BPGM: variants seen among roughly 807,000 people sequenced by gnomAD.
BPGM encodes the protein bisphosphoglycerate mutase, also known as 2,3-bisphosphoglycerate mutase, erythrocyte.
BPGM carries 15 observed loss-of-function variants against 21.6 expected under a neutral mutation model. That is an observed-to-expected ratio of 0.70 (90% CI 0.47 to 1.07). The LOEUF is 1.07. Among genes scored for constraint, BPGM ranks in the 50% least tolerant of loss-of-function variants. The pLI is 0.00. For missense variants in BPGM, 273 were observed against 319.0 expected, an observed-to-expected ratio of 0.86 and a Z score of 1.10; for synonymous variants, 113 against 116.2, an observed-to-expected ratio of 0.97 and a Z score of 0.18.
At chr7:134,675,881 T>TTGA (rs780906656) in intron 2 of BPGM, among the ~76,000 whole-genome samples, 49 of 152,336 alleles carry the variant, frequency 3.2e-4, no homozygotes, top group Non-Finnish European at 6.6e-4. Flanking sequence ...TTTCTTTCAT[T>TTGA]TGAACACTGT....
At chr7:134,666,423 C>T (rs1210964198) in intron 2 of BPGM, among the ~76,000 whole-genome samples, 1 of 151,896 alleles carries the variant, frequency 6.6e-6, no homozygotes, top group African/African-American at 2.4e-5. Context: ...GGTTGATGAC[C>T]AAGGAGGATG....
intron 2 of BPGM, among the ~76,000 whole-genome samples, chr7:134,676,483 A>G (rs1217035288): frequency 6.6e-6 from 1 of 152,226 alleles, no homozygotes; most frequent in African/African-American, 2.4e-5. Flanking sequence ...AGTGAGCAAT[A>G]TGCTTACAGA....
intron 1 of BPGM, among the ~76,000 whole-genome samples, chr7:134,648,739 G>T (rs1288990100): frequency 1.3e-5 from 2 of 152,102 alleles, no homozygotes; most frequent in Admixed American, 1.3e-4. Flanking sequence ...GAGGGCAGTG[G>T]CGCAATCTCT....
At chr7:134,674,233 T>C (rs1349180327) in intron 2 of BPGM, among the ~76,000 whole-genome samples, 1 of 152,192 alleles carries the variant, frequency 6.6e-6, no homozygotes, top group Non-Finnish European at 1.5e-5. Context: ...TTTTTTAACA[T>C]CTTTATTGCG....
intron 2 of BPGM, among the ~76,000 whole-genome samples, chr7:134,673,486 G>A (rs1479969619): frequency 6.6e-6 from 1 of 152,312 alleles, no homozygotes; most frequent in African/African-American, 2.4e-5. Flanking sequence ...GGACCTGTTG[G>A]ATCCGGTTAG....
chr7:134,659,222 A>G (rs1795689980), intron 1 of BPGM, among the ~76,000 whole-genome samples: 1 of 152,132 alleles, frequency 6.6e-6, no homozygotes, highest in South Asian at 2.1e-4. Context: ...TCCACTACCA[A>G]TAACAAAACA....
intron 2 of BPGM, among the ~76,000 whole-genome samples, chr7:134,665,865 ATTTTCTTTTC>A (rs144380412): frequency 1.3e-4 from 19 of 150,428 alleles, no homozygotes; most frequent in South Asian, 2.1e-4. Context: ...GATTAATGAC[ATTTTCTTTTC>A]TTTTCTTTTC....
At chr7:134,670,606 T>C (rs1232123964) in intron 2 of BPGM, among the ~76,000 whole-genome samples, 1 of 140,812 alleles carries the variant, frequency 7.1e-6, no homozygotes, top group Admixed American at 7.1e-5. Flanking sequence ...AGTATTCAGA[T>C]CTTAAAGAAT....
intron 1 of BPGM, among the ~76,000 whole-genome samples, chr7:134,648,136 T>TA (rs1795493667): frequency 6.7e-6 from 1 of 149,650 alleles, no homozygotes; most frequent in African/African-American, 2.5e-5. Flanking sequence ...GTTTTGGTTT[T>TA]TTTTTTGTTT....
In BPGM at chr7:134,661,388, T is replaced by C. The variant is rs1434892890; in HGVS notation, c.-61-59T>C. 2.1e-6 allele frequency: 3 copies of C among 1,456,932 alleles called. No homozygotes were observed. Among genetic ancestry groups the C allele is most frequent in the Non-Finnish European group, 9.5e-7 (1 of 1,051,666 alleles). 90.3% of individuals were successfully genotyped at this position (1,456,932 alleles called of 1,614,324 possible). A position where few individuals can be genotyped will look rare whatever the true frequency, so the allele number is the denominator to read the frequency against. The stretch of plus-strand genomic sequence containing the variant: ...AGAAATTGGGTGTTGTAAAGCGATG[T>C]TTCTATTCCTAGATTGTCAGTTGAA... On this transcript the variant is annotated intron_variant, in intron 1 of 2. Coordinates refer to ENST00000344924, the MANE Select transcript of BPGM (RefSeq NM_001724.5). The surrounding 1 kb of genome is among the most constrained non-coding windows in gnomAD (Gnocchi z 4.6).
chr7:134,663,170 G>T (rs78352938), intron 2 of BPGM, among the ~76,000 whole-genome samples: 474 of 152,332 alleles, frequency 3.1e-3, no homozygotes, highest in African/African-American at 0.011. Context: ...GGCTGACCTT[G>T]TATGTGAAAT....
rs1795978709 is a variant in BPGM at position 134,675,974 on chromosome 7, T to C, written c.602-2879T>C. Among the ~76,000 whole-genome samples the C allele has an allele frequency of 2.0e-5, 3 of 152,246 alleles. No homozygotes were observed. The South Asian group carries it at 6.2e-4, about 31-fold the overall frequency. On this transcript the variant is annotated intron_variant, in intron 2 of 2. Transcript: ENST00000344924. ...TTATTCTTTTTGATGTTATTATAAA[T>C]AGAATTGTTTGCTTAATCTTTCATG...
chr7:134,648,132 G>T (rs6467544), intron 1 of BPGM, among the ~76,000 whole-genome samples: 84,686 of 143,840 alleles, frequency 0.59, 25,612 homozygotes, highest in East Asian at 0.87. Flanking sequence ...TTTTGTTTTG[G>T]TTTTTTTTTT....
Position 134,646,867 on chromosome 7 carries a change from G to T in BPGM, c.-132G>T. 5.4e-6 allele frequency: 1 copy of T among 184,896 alleles called. No homozygotes were observed. Among genetic ancestry groups the T allele is most frequent in the Non-Finnish European group, 1.2e-5 (1 of 85,830 alleles). The allele number at this position is 184,896 out of a possible 1,614,324, so 11.5% of individuals were successfully genotyped here. On this transcript the variant is annotated 5_prime_UTR_variant, in exon 1 of 3. The change creates a new upstream start codon in the 5' untranslated region. Transcript: ENST00000344924. ...CCGGCGGCAGTGATGAGTCCTAGGAGGCGCTGGCTCTTTGGCGGCTCGGAG... is the reference window on the plus strand; with the variant it reads ...CCGGCGGCAGTGATGAGTCCTAGGATGCGCTGGCTCTTTGGCGGCTCGGAG...
chr7:134,669,400 T>A (rs1160298932), intron 2 of BPGM, among the ~76,000 whole-genome samples: 1 of 152,322 alleles, frequency 6.6e-6, no homozygotes, highest in Admixed American at 6.5e-5. Context: ...TTTATTTTTT[T>A]ATTTTTTTAT....
intron 2 of BPGM, among the ~76,000 whole-genome samples, chr7:134,674,186 T>C (rs1424071106): frequency 6.6e-6 from 1 of 152,192 alleles, no homozygotes; most frequent in Non-Finnish European, 1.5e-5. Context: ...GTGCTGAGAT[T>C]AGAGGCATGA....
At chr7:134,659,629 A>T (rs1007170337) in intron 1 of BPGM, among the ~76,000 whole-genome samples, 1 of 152,142 alleles carries the variant, frequency 6.6e-6, no homozygotes, top group Non-Finnish European at 1.5e-5. Flanking sequence ...GGATGCTTTA[A>T]TCTGGGTCCT....
At chr7:134,660,222 A>C (rs756518540) in intron 1 of BPGM, among the ~76,000 whole-genome samples, 48 of 152,252 alleles carry the variant, frequency 3.2e-4, no homozygotes, top group Non-Finnish European at 6.3e-4. Flanking sequence ...CAATTTTGCC[A>C]TTGATTGTTA....
At chr7:134,665,614 T>TA (rs1298310084) in intron 2 of BPGM, among the ~76,000 whole-genome samples, 2 of 10,014 alleles carry the variant, frequency 2.0e-4, no homozygotes, top group Non-Finnish European at 1.5e-4. Flanking sequence ...TAGAGTATAA[T>TA]AAAAAAAATA....
Sources: allele counts gnomAD v4.1 joint callset (sites outside exome capture counted in the v4.1 genomes callset), GRCh38; gene constraint gnomAD v4.1.1; non-coding constraint Gnocchi (gnomAD v3.1); transcripts MANE v1.5; gene names NCBI Gene and HGNC (gene_info 2026-07-23, HGNC 2026-07-21).